Variants in RBFOX1 observed in about 807,000 individuals in gnomAD.
RBFOX1 encodes RNA binding protein fox-1 homolog 1.
Under a neutral mutation model 57.7 loss-of-function variants are expected in RBFOX1, and 8 were observed. That is an observed-to-expected ratio of 0.14 (90% CI 0.08 to 0.25). The LOEUF is 0.25. Ranked by LOEUF, RBFOX1 falls within the 10% of genes least tolerant of loss-of-function variation. The probability of loss-of-function intolerance (pLI) is 1.00; values close to 1 mark genes in which losing one functional copy is unlikely to be tolerated. For synonymous variants in RBFOX1, 326 were observed against 222.4 expected (o/e 1.47, Z -4.15); for missense variants, 611 against 548.5 (o/e 1.11, Z -1.14).
chr16:5,718,604 C>G (rs949099510), intron 3 of RBFOX1, among the ~76,000 whole-genome samples: 20 of 152,280 alleles, frequency 1.3e-4, no homozygotes, highest in Admixed American at 1.2e-3. Flanking sequence ...TATTTACAAA[C>G]TGTGTTAAAC....
intron 3 of RBFOX1, among the ~76,000 whole-genome samples, chr16:5,837,957 C>T (rs1297400093): frequency 6.6e-6 from 1 of 152,076 alleles, no homozygotes; most frequent in African/African-American, 2.4e-5. Flanking sequence ...CGGAAAGAGG[C>T]AACACAGGTA....
chr16:6,503,913 G>C, intron 2 of RBFOX1, among the ~76,000 whole-genome samples: 1 of 152,172 alleles, frequency 6.6e-6, no homozygotes, highest in South Asian at 2.1e-4. Flanking sequence ...TCTACGAGGA[G>C]GATGTTCCTT....
At chr16:6,117,356 T>G (rs1248956580) in intron 1 of RBFOX1, among the ~76,000 whole-genome samples, 1 of 152,270 alleles carries the variant, frequency 6.6e-6, no homozygotes, top group East Asian at 1.9e-4. Context: ...AAGTTCATTA[T>G]GCATTTCAAA....
At chr16:6,565,871 G>A (rs1354915261) in intron 2 of RBFOX1, among the ~76,000 whole-genome samples, 3 of 152,190 alleles carry the variant, frequency 2.0e-5, no homozygotes, top group Non-Finnish European at 4.4e-5. Flanking sequence ...AGGCTATGCT[G>A]TAGTAACACA....
intron 3 of RBFOX1, among the ~76,000 whole-genome samples, chr16:5,623,605 C>T (rs1483888373): frequency 6.6e-6 from 1 of 152,008 alleles, no homozygotes; most frequent in East Asian, 1.9e-4. Context: ...TAAATTCTCA[C>T]CGGTGCCTTC....
intron 4 of RBFOX1, among the ~76,000 whole-genome samples, chr16:7,166,969 G>GTTTTTTTT (rs1555527093): frequency 6.0e-5 from 3 of 49,854 alleles, no homozygotes; most frequent in Non-Finnish European, 7.8e-5. Flanking sequence ...CTGCATTGGT[G>GTTTTTTTT]TTCTTTTTTT....
chr16:5,756,981 A>C (rs970886908), intron 3 of RBFOX1, among the ~76,000 whole-genome samples: 33 of 152,368 alleles, frequency 2.2e-4, no homozygotes, highest in East Asian at 1.7e-3. Context: ...CAATGATTTA[A>C]TGTTATTCTT....
At chr16:6,361,674 A>G (rs1200582621) in intron 2 of RBFOX1, among the ~76,000 whole-genome samples, 1 of 151,816 alleles carries the variant, frequency 6.6e-6, no homozygotes, top group Non-Finnish European at 1.5e-5. Context: ...AAAGCTGGCT[A>G]ATTAGTGTTA....
intron 4 of RBFOX1, among the ~76,000 whole-genome samples, chr16:7,252,450 G>C (rs935703295): frequency 2.6e-5 from 4 of 152,150 alleles, no homozygotes; most frequent in African/African-American, 9.7e-5. Flanking sequence ...TCTTTTTGCT[G>C]TTTCATGTTG....
intron 4 of RBFOX1, among the ~76,000 whole-genome samples, chr16:7,494,889 G>A (rs1359486046): frequency 6.8e-6 from 1 of 147,444 alleles, no homozygotes; most frequent in Non-Finnish European, 1.5e-5. Flanking sequence ...GATACAGGAG[G>A]TACATGTGTA....
In RBFOX1 at chr16:5,424,909, TTCTTTCTTTC is replaced by T. The variant is rs1176199820; in HGVS notation, c.220-42305_220-42296del. The stretch of plus-strand genomic sequence containing the variant: ...TTTCTTTCTTTCTTTCTTTCTTTCT[TTCTTTCTTTC>T]TTTCTTTCTTTCTTTCTCTCTCTTC... On this transcript the variant is annotated intron_variant, in intron 1 of 2. Coordinates refer to the RBFOX1 transcript ENST00000585867. Among the ~76,000 whole-genome samples the T allele has an allele frequency of 1.3e-4, 14 of 108,732 alleles. 1 individual carries two copies. The highest frequency in any genetic ancestry group is 5.2e-4 in the African/African-American group (13 of 25,104). 71.3% of individuals were successfully genotyped at this position (108,732 alleles called of 152,430 possible).
intron 2 of RBFOX1, among the ~76,000 whole-genome samples, chr16:6,616,504 G>A (rs531085154): frequency 2.0e-5 from 3 of 152,002 alleles, no homozygotes; most frequent in African/African-American, 4.8e-5. Flanking sequence ...GTGAAACCCC[G>A]ACTCTACTAA....
At chr16:5,783,121 T>G (rs1001022735) in intron 3 of RBFOX1, among the ~76,000 whole-genome samples, 1 of 152,132 alleles carries the variant, frequency 6.6e-6, no homozygotes, top group Non-Finnish European at 1.5e-5. Flanking sequence ...TGTCACACCC[T>G]CTTTACTTAA....
chr16:6,537,215 C>A (rs1016575), intron 2 of RBFOX1, among the ~76,000 whole-genome samples: 2 of 152,228 alleles, frequency 1.3e-5, no homozygotes, highest in East Asian at 3.9e-4. Context: ...TTCGGCACTT[C>A]TAATAAGCTT....
At chr16:6,950,498 G>A (rs980982504) in intron 3 of RBFOX1, among the ~76,000 whole-genome samples, 1 of 152,124 alleles carries the variant, frequency 6.6e-6, no homozygotes, top group African/African-American at 2.4e-5. Context: ...GACCTGAATT[G>A]GATTGAAGCT....
intron 1 of RBFOX1, among the ~76,000 whole-genome samples, chr16:5,431,929 C>G (rs74765684): frequency 0.014 from 2,151 of 152,180 alleles, 27 homozygotes; most frequent in East Asian, 0.051. Flanking sequence ...GATTCGAATC[C>G]TCTGACGGAC....
chr16:6,477,685 T>C (rs1482249884), intron 2 of RBFOX1, among the ~76,000 whole-genome samples: 3 of 152,200 alleles, frequency 2.0e-5, no homozygotes, highest in Non-Finnish European at 4.4e-5. Context: ...AATAAGAGCG[T>C]CAGCTTGTCC....
chr16:7,245,423 C>T (rs1274132154), intron 4 of RBFOX1, among the ~76,000 whole-genome samples: 1 of 150,030 alleles, frequency 6.7e-6, no homozygotes, highest in Non-Finnish European at 1.5e-5. Context: ...ATCAACCCGT[C>T]ACCTAGTATT....
At chr16:6,871,667 C>A (rs1324171869) in intron 3 of RBFOX1, among the ~76,000 whole-genome samples, 1 of 125,588 alleles carries the variant, frequency 8.0e-6, no homozygotes, top group Admixed American at 7.7e-5. Context: ...CTAAACTGGC[C>A]TTTCTTCCTC....
Sources: gnomAD v4.1 joint callset for allele counts (sites outside exome capture counted in the v4.1 genomes callset) on GRCh38, gnomAD v4.1.1 for gene constraint, MANE v1.5 for transcripts, NCBI Gene and HGNC (gene_info 2026-07-23, HGNC 2026-07-21) for gene names.